The following FREM3 variants were observed in gnomAD, a reference collection of about 807,000 sequenced individuals.
FREM3 encodes FRAS1-related extracellular matrix protein 3.
A neutral mutation model predicts 129.1 loss-of-function variants in FREM3; 105 were observed. The observed-to-expected ratio is 0.81, with a 90% CI of 0.69 to 0.96. The LOEUF is 0.96. Among genes scored for constraint, FREM3 ranks in the 40% least tolerant of loss-of-function variants. FREM3 has a pLI of 0.00. For missense variants in FREM3, 2,593 were observed against 2,666.3 expected (o/e 0.97, Z 0.61); for synonymous variants, 1,014 against 1,044.9 (o/e 0.97, Z 0.57).
At chr4:143,616,515 A>G (rs6811226) in intron 5 of FREM3, among the ~76,000 whole-genome samples, 69,948 of 152,002 alleles carry the variant, frequency 0.46, 16,432 homozygotes, top group African/African-American at 0.54. Flanking sequence ...GGCCGGGCGC[A>G]GTGGCTCACA....
chr4:143,597,990 A>G (rs929533601), intron 6 of FREM3, among the ~76,000 whole-genome samples: 3 of 152,138 alleles, frequency 2.0e-5, no homozygotes, highest in Non-Finnish European at 4.4e-5. Context: ...CTTGCTATAC[A>G]CTTATATGAC....
At chr4:143,604,779 T>G (rs150306671) in intron 6 of FREM3, among the ~76,000 whole-genome samples, 2,527 of 152,322 alleles carry the variant, frequency 0.017, 27 homozygotes, top group South Asian at 0.055. Context: ...ATTTTAAGCT[T>G]AGCAATGTGC....
At chr4:143,644,343 A>G (rs924471265) in intron 2 of FREM3, among the ~76,000 whole-genome samples, 1 of 152,118 alleles carries the variant, frequency 6.6e-6, no homozygotes, top group African/African-American at 2.4e-5. Flanking sequence ...CATTTTCCGT[A>G]AGGTCATTTA....
chr4:143,686,697 G>A (rs1740371741), intron 2 of FREM3, among the ~76,000 whole-genome samples: 1 of 152,102 alleles, frequency 6.6e-6, no homozygotes, highest in Admixed American at 6.5e-5. Context: ...GCAAATACAT[G>A]GAAATTAAAT....
At chr4:143,663,733 A>T (rs1401196297) in intron 2 of FREM3, among the ~76,000 whole-genome samples, 1 of 152,094 alleles carries the variant, frequency 6.6e-6, no homozygotes, top group African/African-American at 2.4e-5. Context: ...AATCAGATGT[A>T]GATTTGGTCT....
rs761923935 is a variant in FREM3, at chr4:143,695,535, A to C, written c.5141T>G (p.Ile1714Ser). The C allele has an allele frequency of 2.0e-6, 3 of 1,537,512 alleles. No individual in the cohort carries two copies. In the South Asian group the frequency reaches 3.6e-5, roughly 18 times the overall value. ...VTRGPEHGFI[I>S]KTGLGNQSTR... ...GCTCTGGTTTCCAAGGCCAGTTTTG[A>C]TAATGAAGCCATGCTCTGGTCCTCT... Residue 1714 changes from isoleucine (I) to serine (S), a missense_variant, in exon 1 of 8, where the codon ATC becomes AGC. Ile to Ser is a moderately radical substitution (Grantham distance 142). Transcript: ENST00000329798.
Position 143,700,430 on chromosome 4 carries a change from G to T in FREM3, c.246C>A (p.Leu82=). Residue 82 remains leucine (L), a synonymous_variant, in exon 1 of 8, where the codon CTC becomes CTA. Transcript: ENST00000329798. ...GCTGCACTCCAATCACCAGATCCCG[G>T]AGCGGGTCGAGCCAAAGGGAACGAC... ...PLGRSLWLDP[L]RDLVIGVQPG... The T allele has an allele frequency of 1.3e-6, 2 of 1,529,754 alleles. No homozygotes were observed. Among genetic ancestry groups the T allele is most frequent in the Non-Finnish European group, 8.7e-7 (1 of 1,142,986 alleles). The allele number at this position is 1,529,754 out of a possible 1,614,324, so 94.8% of individuals were successfully genotyped here. A position where few individuals can be genotyped will look rare whatever the true frequency, so the allele number is the denominator to read the frequency against.
In FREM3 at chr4:143,577,310, TCTTAA is replaced by T; in HGVS notation, c.*296_*300del. 2.2e-6 allele frequency: 1 copy of T among 456,416 alleles called. No individual in the cohort carries two copies. Among genetic ancestry groups the T allele is most frequent in the Non-Finnish European group, 3.8e-6 (1 of 260,928 alleles). 28.3% of individuals were successfully genotyped at this position (456,416 alleles called of 1,614,324 possible). A position where few individuals can be genotyped will look rare whatever the true frequency, so the allele number is the denominator to read the frequency against. On this transcript the variant is annotated 3_prime_UTR_variant, in exon 8 of 8. Transcript: ENST00000329798. ...CAGTAAAGAGAGGTTAATTCTTTGA[TCTTAA>T]CTTTTGATTTAATTGATCACAGTGG... is the stretch of plus-strand genomic sequence containing the variant.
chr4:143,666,910 A>G (rs2149854550), intron 2 of FREM3, among the ~76,000 whole-genome samples: 1 of 152,286 alleles, frequency 6.6e-6, no homozygotes, highest in Non-Finnish European at 1.5e-5. Context: ...AAAAAAATGT[A>G]TAATATACTA....
chr4:143,606,423 C>G (rs1738669074), intron 6 of FREM3, among the ~76,000 whole-genome samples: 1 of 149,874 alleles, frequency 6.7e-6, no homozygotes, highest in African/African-American at 2.5e-5. Flanking sequence ...TTTAAACTAA[C>G]AATGGGGTTA....
chr4:143,632,876 C>G (rs1739163994), intron 2 of FREM3, among the ~76,000 whole-genome samples: 1 of 152,144 alleles, frequency 6.6e-6, no homozygotes, highest in South Asian at 2.1e-4. Context: ...GAACCACATT[C>G]AAAGCCATCC....
chr4:143,675,251 C>T (rs1387608610), intron 2 of FREM3, among the ~76,000 whole-genome samples: 1 of 152,238 alleles, frequency 6.6e-6, no homozygotes, highest in East Asian at 1.9e-4. Context: ...CAAAACCGCT[C>T]AACTACATGG....
intron 2 of FREM3, among the ~76,000 whole-genome samples, chr4:143,671,301 C>T (rs534870760): frequency 6.6e-6 from 1 of 152,212 alleles, no homozygotes; most frequent in East Asian, 1.9e-4. Context: ...ACCAAATTAT[C>T]TCCCTCTCCG....
chr4:143,688,697 A>G (rs1006126211), intron 2 of FREM3, among the ~76,000 whole-genome samples: 1 of 152,204 alleles, frequency 6.6e-6, no homozygotes, highest in Non-Finnish European at 1.5e-5. Flanking sequence ...ATGGAACAGA[A>G]CAGAGAACCC....
intron 2 of FREM3, among the ~76,000 whole-genome samples, chr4:143,674,722 A>G (rs1740074295): frequency 6.6e-6 from 1 of 152,202 alleles, no homozygotes; most frequent in African/African-American, 2.4e-5. Context: ...GGAAAACAAA[A>G]AAAAGCAGGG....
chr4:143,621,291 T>C (rs950646583), intron 4 of FREM3, 129 bp from the exon 5 acceptor site: 20 of 862,832 alleles, frequency 2.3e-5, no homozygotes, highest in African/African-American at 5.1e-5. Flanking sequence ...GTATTAAATA[T>C]AGTGAGAATG....
At position 143,611,278 on chromosome 4, in the gene FREM3, C is replaced by T; in HGVS notation, c.6028+1G>A. On this transcript the variant is annotated splice_donor_variant, in intron 6 of 7. Coordinates refer to ENST00000329798, the MANE Select transcript of FREM3 (RefSeq NM_001168235.2). LOFTEE classifies it high-confidence loss of function. ...GGTTGGAAAGCAACAAATGGACTTA[C>T]CATCATAACGATCAGCCAGAATAGT... The T allele has an allele frequency of 6.5e-7, 1 of 1,535,228 alleles. No individual in the cohort carries two copies. Among genetic ancestry groups the T allele is most frequent in the Non-Finnish European group, 8.7e-7 (1 of 1,145,466 alleles).
chr4:143,673,053 C>G (rs982760400), intron 2 of FREM3, among the ~76,000 whole-genome samples: 1 of 152,172 alleles, frequency 6.6e-6, no homozygotes, highest in Non-Finnish European at 1.5e-5. Context: ...TCCTTTAGCT[C>G]GGAGAAGTTT....
chr4:143,584,279 G>C (rs1738199373), intron 7 of FREM3, among the ~76,000 whole-genome samples: 1 of 151,952 alleles, frequency 6.6e-6, no homozygotes, highest in African/African-American at 2.4e-5. Flanking sequence ...CGCGGTGGCG[G>C]GCGCCTGTGG....
Sources: allele counts gnomAD v4.1 joint callset (sites outside exome capture counted in the v4.1 genomes callset), GRCh38; gene constraint gnomAD v4.1.1; transcripts MANE v1.5; gene names NCBI Gene and HGNC (gene_info 2026-07-23, HGNC 2026-07-21).